Variants in UTP20 observed in about 807,000 individuals in gnomAD.
UTP20 encodes small subunit processome component 20 homolog.
In UTP20, 164 loss-of-function variants were observed where a neutral mutation model predicts 329.5. The ratio of observed to expected loss-of-function variants is 0.50; its 90% CI spans 0.44 to 0.57. The LOEUF is 0.57. UTP20 is among the 20% of genes least tolerant of loss of function. The pLI, the probability that UTP20 is intolerant of heterozygous loss-of-function variation, is 0.00. For missense variants in UTP20, 3,055 were observed against 3,284.2 expected, an observed-to-expected ratio of 0.93 and a Z score of 1.71; for synonymous variants, 1,151 against 1,159.3, an observed-to-expected ratio of 0.99 and a Z score of 0.14.
chr12:101,373,305 A>G, intron 52 of UTP20, 96 bp from the exon 53 acceptor site: 1 of 1,217,914 alleles, frequency 8.2e-7, no homozygotes, highest in Non-Finnish European at 1.2e-6. Flanking sequence ...TTTTTTAAGA[A>G]GTAAACTGAC....
chr12:101,349,323 T>C (rs2120958808), intron 38 of UTP20, among the ~76,000 whole-genome samples: 1 of 152,244 alleles, frequency 6.6e-6, no homozygotes, highest in South Asian at 2.1e-4. Context: ...TAGTGTCGTT[T>C]CTTTTATGAT....
intron 7 of UTP20, 33 bp from the exon 8 acceptor site, chr12:101,290,700 A>G (rs1202468774): frequency 6.4e-7 from 1 of 1,574,174 alleles, no homozygotes; most frequent in East Asian, 2.3e-5. Context: ...ATAAGAGTTT[A>G]TATATTAATG....
intron 17 of UTP20, 84 bp from the exon 18 acceptor site, chr12:101,308,101 T>G (rs1432759345): frequency 8.0e-7 from 1 of 1,246,900 alleles, no homozygotes; most frequent in Non-Finnish European, 1.1e-6. Flanking sequence ...TTTTCTATTT[T>G]TAGACCTTTG....
intron 43 of UTP20, among the ~76,000 whole-genome samples, chr12:101,360,329 C>T (rs1208080036): frequency 1.3e-5 from 2 of 152,206 alleles, no homozygotes; most frequent in East Asian, 3.9e-4. Context: ...ACCTTGAGCC[C>T]AGGGTGTTCA....
intron 19 of UTP20, 99 bp from the exon 20 acceptor site, chr12:101,311,620 C>T (rs1395030740): frequency 9.2e-7 from 1 of 1,087,200 alleles, no homozygotes; most frequent in Non-Finnish European, 1.3e-6. Flanking sequence ...ACCTAATTGA[C>T]ATTTTAGTTA....
chr12:101,297,215 T>TTAA (rs1204107148), intron 12 of UTP20, among the ~76,000 whole-genome samples: 1 of 151,214 alleles, frequency 6.6e-6, no homozygotes, highest in Non-Finnish European at 1.5e-5. Context: ...AATGTTTTAT[T>TTAA]TATTATTATT....
chr12:101,333,426 T>C lies in UTP20; in HGVS notation c.3543T>C (p.His1181=), dbSNP rs1251483480. The change falls in exon 28 of 62, where the codon CAT becomes CAC. Residue 1181 remains histidine (H), a synonymous_variant. Transcript: ENST00000261637. The stretch of plus-strand genomic sequence containing the variant: ...CAGAAGAAATTGATGCTGTGTTTCA[T>C]GGTGCAGTTTGGCCCCAGGTAAACC... The part of the protein sequence containing the change: ...FRTEEIDAVF[H]GAVWPQISRL... 1 of 1,613,874 alleles carries C rather than the reference T, an allele frequency of 6.2e-7. No homozygotes were observed. Among genetic ancestry groups the C allele is most frequent in the Non-Finnish European group, 8.5e-7 (1 of 1,179,952 alleles).
intron 2 of UTP20, 138 bp from the exon 3 acceptor site, chr12:101,285,432 C>G: frequency 1.2e-6 from 1 of 824,640 alleles, no homozygotes; most frequent in Non-Finnish European, 1.9e-6. Flanking sequence ...TACTTAATGG[C>G]CTGTTTTAAA....
intron 44 of UTP20, among the ~76,000 whole-genome samples, chr12:101,363,259 A>G (rs1385387179): frequency 6.6e-6 from 1 of 152,116 alleles, no homozygotes; most frequent in Non-Finnish European, 1.5e-5. Context: ...AAATTAAGCT[A>G]CTCTTTGGTA....
chr12:101,329,215 A>G, intron 26 of UTP20, 26 bp from the exon 27 acceptor site: 1 of 1,590,314 alleles, frequency 6.3e-7, no homozygotes, highest in Non-Finnish European at 8.6e-7. Flanking sequence ...ACCTTACATG[A>G]CCTCTCGTCC....
intron 2 of UTP20, among the ~76,000 whole-genome samples, chr12:101,284,044 CTCTTT>C (rs765373039): frequency 1.3e-5 from 2 of 151,438 alleles, no homozygotes; most frequent in Non-Finnish European, 3.0e-5. Flanking sequence ...TGTTTATTCT[CTCTTT>C]TTTCTCTCTC....
chr12:101,303,996 A>G lies in UTP20; in HGVS notation c.1781+1443A>G, dbSNP rs1280571786. Among the ~76,000 whole-genome samples the G allele has an allele frequency of 3.9e-5, 6 of 152,316 alleles. No homozygotes were observed. The South Asian group carries it at 6.2e-4, about 16-fold the overall frequency. Reference sequence around the variant, plus strand: ...CATACTTTCACCCTTGGTATAAACAATTGAAGGTGGCTGTAGAAATTGAAA... The same window carrying G: ...CATACTTTCACCCTTGGTATAAACAGTTGAAGGTGGCTGTAGAAATTGAAA... On this transcript the variant is annotated intron_variant, in intron 15 of 61. Transcript: ENST00000261637.
At chr12:101,340,632 A>C in intron 32 of UTP20, 22 bp downstream of exon 32, 3 of 1,522,864 alleles carry the variant, frequency 2.0e-6, no homozygotes, top group Non-Finnish European at 2.7e-6. Context: ...TAGGACACTT[A>C]ACTTTGTCTC....
At position 101,376,571 on chromosome 12, in the gene UTP20, C is replaced by T. The variant is rs114508035; in HGVS notation, c.7396+815C>T. Among the ~76,000 whole-genome samples the T allele has an allele frequency of 7.0e-3, 1,058 of 151,898 alleles. 14 individuals are homozygous for T. Among genetic ancestry groups the T allele is most frequent in the African/African-American group, 0.024 (997 of 41,430 alleles). ...AACACAGCCAAAAATAGAAAGGGTA[C>T]AGTAAAAATACAGTGTGTATTTTTT... is the stretch of plus-strand genomic sequence containing the variant. On this transcript the variant is annotated intron_variant, in intron 56 of 61. Transcript: ENST00000261637.
In UTP20 at chr12:101,352,065, T is replaced by C; in HGVS notation, c.4895T>C (p.Ile1632Thr). 2.5e-6 allele frequency: 4 copies of C among 1,613,544 alleles called. No homozygotes were observed. The highest frequency in any genetic ancestry group is 3.4e-6 in the Non-Finnish European group (4 of 1,179,920). The change falls in exon 39 of 62, where the codon ATA becomes ACA. Residue 1632 changes from isoleucine (I) to threonine (T), a missense_variant. Physicochemically the swap from Ile to Thr is moderately conservative, Grantham distance 89. Around this residue, in one of 3 missense-constraint regions of UTP20, gnomAD observed 2,445 missense variants for 2,575.5 expected, o/e 0.95. Coordinates refer to ENST00000261637, the MANE Select transcript of UTP20 (RefSeq NM_014503.3). ...FDEKMLKHEN[I>T]TTAATEIIGA... ...TGATTTGTTTTACAGCATGAAAATATAACCACTGCTGCCACAGAGATTATT... is the reference window on the plus strand; with the variant it reads ...TGATTTGTTTTACAGCATGAAAATACAACCACTGCTGCCACAGAGATTATT...
At chr12:101,365,025 C>CA (rs1176703675) in intron 45 of UTP20, among the ~76,000 whole-genome samples, 1 of 151,170 alleles carries the variant, frequency 6.6e-6, no homozygotes, top group African/African-American at 2.4e-5. Flanking sequence ...GCCATAGTAG[C>CA]ACTTCATTCT....
chr12:101,376,255 T>G (rs550584573), intron 56 of UTP20, among the ~76,000 whole-genome samples: 2 of 152,340 alleles, frequency 1.3e-5, no homozygotes, highest in South Asian at 4.1e-4. Flanking sequence ...CTAGTAGATA[T>G]CCTTTTAAAT....
intron 26 of UTP20, among the ~76,000 whole-genome samples, chr12:101,328,178 G>T (rs531420986): frequency 6.6e-6 from 1 of 152,166 alleles, no homozygotes; most frequent in African/African-American, 2.4e-5. Flanking sequence ...TTTTCATTCA[G>T]TATAATATTG....
At chr12:101,284,844 G>A (rs55987478) in intron 2 of UTP20, among the ~76,000 whole-genome samples, 4,085 of 152,120 alleles carry the variant, frequency 0.027, 170 homozygotes, top group African/African-American at 0.093. Flanking sequence ...TCTCATGTTC[G>A]TATGTACAAA....
Sources: allele counts gnomAD v4.1 joint callset (sites outside exome capture counted in the v4.1 genomes callset), GRCh38; gene constraint gnomAD v4.1.1; regional missense constraint gnomAD v4.1.1; transcripts MANE v1.5; gene names NCBI Gene and HGNC (gene_info 2026-07-23, HGNC 2026-07-21).